DENND1A: variants seen among roughly 807,000 people sequenced by gnomAD.
DENND1A encodes DENN domain containing 1A, also known as DENN domain-containing protein 1A.
Under a neutral mutation model 113.7 loss-of-function variants are expected in DENND1A, and 51 were observed. The ratio of observed to expected loss-of-function variants is 0.45; its 90% CI spans 0.36 to 0.57. DENND1A has a LOEUF of 0.57. DENND1A is among the 20% of genes least tolerant of loss of function. DENND1A has a pLI of 0.00. For missense variants in DENND1A, 1,258 were observed against 1,395.9 expected (o/e 0.90, Z 1.57); for synonymous variants, 565 against 570.8 (o/e 0.99, Z 0.14).
At chr9:123,533,919 G>A (rs2055529661) in intron 13 of DENND1A, among the ~76,000 whole-genome samples, 1 of 152,168 alleles carries the variant, frequency 6.6e-6, no homozygotes, top group Admixed American at 6.5e-5. Flanking sequence ...CAAGATCCTT[G>A]GAAAGTTTGA....
chr9:123,845,670 CAAAAAAAAAAAAAA>C (rs555731367), intron 2 of DENND1A, among the ~76,000 whole-genome samples: 3 of 44,094 alleles, frequency 6.8e-5, no homozygotes, highest in East Asian at 7.3e-4. Flanking sequence ...AACCTGTCTC[CAAAAAAAAAAAAAA>C]AAAAAAAAAA....
In DENND1A at chr9:123,508,819, T is replaced by C. The variant is rs190097674; in HGVS notation, c.993+48751A>G. ...TACTGAATTCCCAATTATCATAATG[T>C]TGTCTTTTTCCTAACACATTTTCAA... is the stretch of plus-strand genomic sequence containing the variant. On this transcript the variant is annotated intron_variant, in intron 13 of 23. Transcript: ENST00000394215. Among the ~76,000 whole-genome samples the C allele has an allele frequency of 2.6e-5, 4 of 152,334 alleles. No homozygotes were observed. In the East Asian group the frequency reaches 7.7e-4, roughly 29 times the overall value.
intron 19 of DENND1A, chr9:123,413,543 C>T (rs1011016504): frequency 1.0e-6 from 1 of 985,308 alleles, no homozygotes; most frequent in Non-Finnish European, 1.2e-6. Context: ...GTCCCTGGGT[C>T]CCTGGTGCTC....
chr9:123,536,836 C>A (rs1333705758), intron 13 of DENND1A, among the ~76,000 whole-genome samples: 1 of 152,150 alleles, frequency 6.6e-6, no homozygotes, highest in African/African-American at 2.4e-5. Context: ...AAGCAGCTGT[C>A]ACATTATTGA....
At chr9:123,804,790 G>C (rs1276853639) in intron 2 of DENND1A, among the ~76,000 whole-genome samples, 2 of 152,118 alleles carry the variant, frequency 1.3e-5, no homozygotes, top group African/African-American at 4.8e-5. Context: ...CTAACACCCT[G>C]ATTTAAGCCA....
At chr9:123,532,709 C>A (rs1187464003) in intron 13 of DENND1A, among the ~76,000 whole-genome samples, 5 of 152,166 alleles carry the variant, frequency 3.3e-5, no homozygotes, top group Non-Finnish European at 5.9e-5. Context: ...ATAAAAGTCC[C>A]TTCTTTTAAG....
chr9:123,717,777 G>A (rs1429002850), intron 5 of DENND1A, among the ~76,000 whole-genome samples: 5 of 152,182 alleles, frequency 3.3e-5, no homozygotes, highest in Non-Finnish European at 4.4e-5. Flanking sequence ...TTTCCTCACA[G>A]ACTTTGCCAG....
intron 3 of DENND1A, among the ~76,000 whole-genome samples, chr9:123,773,729 C>A (rs1830061905): frequency 6.6e-6 from 1 of 152,112 alleles, no homozygotes; most frequent in Non-Finnish European, 1.5e-5. Context: ...AAACAACTGA[C>A]AGTCAGACAC....
chr9:123,862,342 C>T (rs1845175248), intron 2 of DENND1A, among the ~76,000 whole-genome samples: 1 of 152,164 alleles, frequency 6.6e-6, no homozygotes, highest in Non-Finnish European at 1.5e-5. Flanking sequence ...AGCTGTCTAA[C>T]AAGATATGAG....
At chr9:123,889,847 G>A (rs2133748600) in intron 1 of DENND1A, among the ~76,000 whole-genome samples, 1 of 152,052 alleles carries the variant, frequency 6.6e-6, no homozygotes, top group Non-Finnish European at 1.5e-5. Context: ...GTGGCACACA[G>A]CTGTAACCCC....
intron 13 of DENND1A, among the ~76,000 whole-genome samples, chr9:123,463,647 C>T (rs890607939): frequency 3.3e-5 from 5 of 152,062 alleles, no homozygotes; most frequent in Admixed American, 1.3e-4. Flanking sequence ...TAGTGGTTCA[C>T]GCCTGTAATC....
At chr9:123,773,777 A>T (rs1464272557) in intron 3 of DENND1A, among the ~76,000 whole-genome samples, 3 of 152,214 alleles carry the variant, frequency 2.0e-5, no homozygotes, top group Non-Finnish European at 4.4e-5. Context: ...CATCTGAAAG[A>T]TAAAAGTGCA....
At chr9:123,639,951 A>G (rs938414431) in intron 9 of DENND1A, among the ~76,000 whole-genome samples, 1 of 152,172 alleles carries the variant, frequency 6.6e-6, no homozygotes, top group Non-Finnish European at 1.5e-5. Flanking sequence ...ATAGATGAGG[A>G]AACTGAGGCT....
Position 123,415,409 on chromosome 9 carries a change from C to T in DENND1A, c.1489-3580G>A, listed in dbSNP as rs1340902591. The stretch of plus-strand genomic sequence containing the variant: ...GAGAAAGGTGAACTCCCAGGGGGTG[C>T]GCATTGAAGACCCTCCACCCTGGGG... On this transcript the variant is annotated intron_variant, in intron 19 of 23. Coordinates refer to ENST00000394215, the MANE Select transcript of DENND1A (RefSeq NM_001352964.2). Among the ~76,000 whole-genome samples, 6 of 152,204 alleles carry T rather than the reference C, an allele frequency of 3.9e-5. No individual in the cohort carries two copies. The East Asian group carries it at 5.8e-4, about 15-fold the overall frequency.
chr9:123,485,425 T>G (rs1175617729), intron 13 of DENND1A: 2 of 152,100 alleles, frequency 1.3e-5, no homozygotes, highest in Non-Finnish European at 2.9e-5. Context: ...TAATTAGGTG[T>G]AAAGGGGGTA....
chr9:123,409,698 C>T (rs144486765), intron 20 of DENND1A, among the ~76,000 whole-genome samples: 34 of 152,100 alleles, frequency 2.2e-4, no homozygotes, highest in Middle Eastern at 3.4e-3. Flanking sequence ...GGATGAGGTA[C>T]CTAAGAATGA....
At chr9:123,689,483 AT>A in intron 5 of DENND1A, among the ~76,000 whole-genome samples, 1 of 152,116 alleles carries the variant, frequency 6.6e-6, no homozygotes, top group Non-Finnish European at 1.5e-5. Flanking sequence ...TATTGTGACA[AT>A]TTTTTTGGTA....
chr9:123,759,984 G>GT (rs977657978), intron 4 of DENND1A, among the ~76,000 whole-genome samples: 14 of 152,094 alleles, frequency 9.2e-5, no homozygotes, highest in African/African-American at 3.1e-4. Context: ...GAAGAAAAGA[G>GT]TTTTTTCTCT....
intron 5 of DENND1A, among the ~76,000 whole-genome samples, chr9:123,706,167 G>A (rs757994507): frequency 4.9e-5 from 7 of 142,480 alleles, no homozygotes; most frequent in Non-Finnish European, 1.1e-4. Flanking sequence ...TTTTTGAGAC[G>A]GAGTCTTGCT....
Sources: allele counts gnomAD v4.1 joint callset (sites outside exome capture counted in the v4.1 genomes callset), GRCh38; gene constraint gnomAD v4.1.1; transcripts MANE v1.5; gene names NCBI Gene and HGNC (gene_info 2026-07-23, HGNC 2026-07-21).